PGCKA1: variants seen among roughly 807,000 people sequenced by gnomAD.
PGCKA1 encodes PDCD10 and GCKIII kinases-associated protein 1.
chr4:37,539,025 C>T, the PGCKA1 span, among the ~76,000 whole-genome samples: 1 of 152,038 alleles, frequency 6.6e-6, no homozygotes, highest in Non-Finnish European at 1.5e-5. Flanking sequence ...TAAGAATGAC[C>T]CCCACATAGC....
chr4:37,519,845 T>C, the PGCKA1 span, among the ~76,000 whole-genome samples: 1 of 152,196 alleles, frequency 6.6e-6, no homozygotes, highest in Non-Finnish European at 1.5e-5. Context: ...TTCCAGTTCT[T>C]AGAAGAAAGG....
At chr4:37,535,559 C>T in the PGCKA1 span, among the ~76,000 whole-genome samples, 1 of 152,130 alleles carries the variant, frequency 6.6e-6, no homozygotes, top group Non-Finnish European at 1.5e-5. Context: ...CTTCGCTCCA[C>T]CTCTACCTGG....
At chr4:37,509,608 A>T in the PGCKA1 span, among the ~76,000 whole-genome samples, 1 of 151,746 alleles carries the variant, frequency 6.6e-6, no homozygotes, top group African/African-American at 2.4e-5. Flanking sequence ...AGGCCAAAGC[A>T]GGCGGCTGGG....
the PGCKA1 span, among the ~76,000 whole-genome samples, chr4:37,484,641 T>G: frequency 6.6e-6 from 1 of 152,248 alleles, no homozygotes; most frequent in South Asian, 2.1e-4. Flanking sequence ...CCTGCGGAAC[T>G]GTGAGCTAAT....
At chr4:37,532,589 CAGTTGT>C in the PGCKA1 span, among the ~76,000 whole-genome samples, 1 of 151,910 alleles carries the variant, frequency 6.6e-6, no homozygotes, top group African/African-American at 2.4e-5. Flanking sequence ...TCCATAGAAC[CAGTTGT>C]AAAACATTTG....
the PGCKA1 span, among the ~76,000 whole-genome samples, chr4:37,527,386 A>G: frequency 3.9e-5 from 6 of 152,140 alleles, no homozygotes; most frequent in African/African-American, 9.7e-5. Context: ...TATTCACTCA[A>G]ACTCACTCAC....
chr4:37,530,719 G>A, the PGCKA1 span, among the ~76,000 whole-genome samples: 36 of 152,158 alleles, frequency 2.4e-4, 1 homozygote, highest in East Asian at 6.8e-3. Flanking sequence ...GCTCACGCCT[G>A]TAAGCCCAGC....
the PGCKA1 span, among the ~76,000 whole-genome samples, chr4:37,554,953 G>A: frequency 6.6e-6 from 1 of 152,182 alleles, no homozygotes; most frequent in East Asian, 1.9e-4. Flanking sequence ...GGATATTTAA[G>A]ATTTGGTAGG....
chr4:37,508,873 T>G, the PGCKA1 span, among the ~76,000 whole-genome samples: 3 of 145,458 alleles, frequency 2.1e-5, no homozygotes, highest in Admixed American at 6.9e-5. Flanking sequence ...TAGGGAGTGG[T>G]GATGACTCTT....
the PGCKA1 span, among the ~76,000 whole-genome samples, chr4:37,485,630 A>AT: frequency 1.4e-4 from 21 of 149,022 alleles, no homozygotes; most frequent in South Asian, 1.7e-3. Context: ...AAGAGCCAGA[A>AT]TTTTTTTTTT....
chr4:37,477,876 A>T, the PGCKA1 span, among the ~76,000 whole-genome samples: 1 of 152,206 alleles, frequency 6.6e-6, no homozygotes, highest in Non-Finnish European at 1.5e-5. Context: ...AGTTCAAAGC[A>T]TAAATTAAAG....
the PGCKA1 span, among the ~76,000 whole-genome samples, chr4:37,475,318 C>T: frequency 4.3e-4 from 65 of 152,040 alleles, no homozygotes; most frequent in Non-Finnish European, 6.6e-4. Context: ...ACTTCAACCC[C>T]AGCACAAAAT....
chr4:37,544,968 G>C, the PGCKA1 span, among the ~76,000 whole-genome samples: 3 of 151,674 alleles, frequency 2.0e-5, no homozygotes, highest in Non-Finnish European at 4.4e-5. Flanking sequence ...TGATTCTCCT[G>C]CCTCAGCCTC....
At chr4:37,509,401 G>A in the PGCKA1 span, among the ~76,000 whole-genome samples, 10 of 136,464 alleles carry the variant, frequency 7.3e-5, 1 homozygote, top group East Asian at 1.4e-3. Context: ...CATCCCAGAC[G>A]GGGCGGCAGG....
chr4:37,498,256 C>T, the PGCKA1 span, among the ~76,000 whole-genome samples: 1 of 152,168 alleles, frequency 6.6e-6, no homozygotes, highest in African/African-American at 2.4e-5. Flanking sequence ...CTATTCTGTT[C>T]CACTGGTCTA....
the PGCKA1 span, among the ~76,000 whole-genome samples, chr4:37,512,882 A>G: frequency 2.0e-5 from 3 of 152,202 alleles, no homozygotes; most frequent in East Asian, 5.8e-4. Context: ...TGAGGTCGGG[A>G]GTTCGAGACC....
chr4:37,490,349 C>A, the PGCKA1 span, among the ~76,000 whole-genome samples: 1 of 152,122 alleles, frequency 6.6e-6, no homozygotes, highest in African/African-American at 2.4e-5. Context: ...AATGTAGAGA[C>A]CCCTTCCCCT....
At chr4:37,569,880 G>GC in the PGCKA1 span, among the ~76,000 whole-genome samples, 1 of 151,890 alleles carries the variant, frequency 6.6e-6, no homozygotes, top group African/African-American at 2.4e-5. Flanking sequence ...CAAAGCCAGC[G>GC]CTAGACCATG....
At chr4:37,537,260 A>G in the PGCKA1 span, among the ~76,000 whole-genome samples, 2 of 152,194 alleles carry the variant, frequency 1.3e-5, no homozygotes, top group Non-Finnish European at 2.9e-5. Context: ...TTTGCATTAC[A>G]TGTATGGTGT....
Sources: allele counts gnomAD v4.1 joint callset (sites outside exome capture counted in the v4.1 genomes callset), GRCh38; gene constraint gnomAD v4.1.1; transcripts MANE v1.5; gene names NCBI Gene and HGNC (gene_info 2026-07-23, HGNC 2026-07-21).